TP63: variants seen among roughly 807,000 people sequenced by gnomAD.
TP63 encodes the protein tumor protein p63.
In TP63, 17 loss-of-function variants were observed where a neutral mutation model predicts 82.8. That is an observed-to-expected ratio of 0.21 (90% CI 0.14 to 0.31). The LOEUF (loss-of-function observed/expected upper bound fraction) is 0.31. Among genes scored for constraint, TP63 ranks in the 10% least tolerant of loss-of-function variants. The pLI is 1.00. For synonymous variants in TP63, 330 were observed against 321.7 expected (o/e 1.03, Z -0.28); for missense variants, 648 against 895.3 (o/e 0.72, Z 3.52).
intron 4 of TP63, among the ~76,000 whole-genome samples, chr3:189,816,621 A>G (rs1479304007): frequency 1.3e-5 from 2 of 152,202 alleles, no homozygotes; most frequent in Admixed American, 1.3e-4. Context: ...ACTTGAGATA[A>G]TGTAGCTTTC....
intron 3 of TP63, among the ~76,000 whole-genome samples, chr3:189,769,274 T>C (rs1723167149): frequency 1.3e-5 from 2 of 152,202 alleles, no homozygotes; most frequent in Non-Finnish European, 1.5e-5. Flanking sequence ...CTTGATTCCA[T>C]GTAAGGATCA....
rs1721405532 is a variant in TP63, at chr3:189,895,552, T to G, written c.*1050T>G. ...CATCTATCTAGTTCTAACAGTGAAG[T>G]TTTACTGTCTATTAATATTCAGGGT... On this transcript the variant is annotated 3_prime_UTR_variant, in exon 14 of 14. Transcript: ENST00000264731. 9.1e-6 allele frequency: 2 copies of G among 220,376 alleles called. No individual in the cohort carries two copies. Among genetic ancestry groups the G allele is most frequent in the Non-Finnish European group, 1.8e-5 (2 of 110,132 alleles). 13.7% of individuals were successfully genotyped at this position (220,376 alleles called of 1,614,324 possible).
chr3:189,619,161 A>T, the TP63 span, among the ~76,000 whole-genome samples: 1 of 152,166 alleles, frequency 6.6e-6, no homozygotes, highest in African/African-American at 2.4e-5. Context: ...CTTTATCATG[A>T]CCAGTACGTC....
chr3:189,791,726 A>T (rs983588708), intron 3 of TP63, among the ~76,000 whole-genome samples: 1 of 152,016 alleles, frequency 6.6e-6, no homozygotes, highest in Admixed American at 6.6e-5. Context: ...TCATGGCTTG[A>T]CTTCCATTCT....
chr3:189,760,142 C>G (rs1722463254), intron 3 of TP63, among the ~76,000 whole-genome samples: 1 of 152,142 alleles, frequency 6.6e-6, no homozygotes, highest in Non-Finnish European at 1.5e-5. Flanking sequence ...CAGAACCAAA[C>G]CATTTCATTC....
intron 12 of TP63, among the ~76,000 whole-genome samples, chr3:189,890,047 G>A (rs116193519): frequency 8.5e-5 from 13 of 152,338 alleles, no homozygotes; most frequent in African/African-American, 2.6e-4. Flanking sequence ...AATGCATGAA[G>A]CCTGAAAGAT....
chr3:189,743,086 A>G (rs145903587), intron 3 of TP63, among the ~76,000 whole-genome samples: 3 of 152,214 alleles, frequency 2.0e-5, no homozygotes, highest in South Asian at 4.1e-4. Flanking sequence ...ATTATAATTC[A>G]TAACAAAAGC....
chr3:189,733,810 A>C (rs1040870018), intron 1 of TP63, among the ~76,000 whole-genome samples: 11 of 152,188 alleles, frequency 7.2e-5, no homozygotes, highest in African/African-American at 2.7e-4. Flanking sequence ...ACTATTTGGC[A>C]GTAAATAAAC....
rs530734466 is a variant in TP63 at position 189,827,978 on chromosome 3, T to C, written c.579+19452T>C. 2.9e-3 allele frequency among the ~76,000 whole-genome samples: 446 copies of C among 152,262 alleles called. 2 individuals carry two copies. Among genetic ancestry groups the C allele is most frequent in the African/African-American group, 0.01 (422 of 41,558 alleles). On this transcript the variant is annotated intron_variant, in intron 4 of 13. Coordinates refer to ENST00000264731, the MANE Select transcript of TP63 (RefSeq NM_003722.5). The stretch of plus-strand genomic sequence containing the variant: ...TATGGGGGCCAGGTGCAATGGCTCA[T>C]GCCTGTAATCCCAGCACTTTGGGAG...
intron 3 of TP63, 121 bp from the exon 4 acceptor site, chr3:189,808,151 G>A: frequency 2.0e-6 from 3 of 1,533,180 alleles, no homozygotes; most frequent in Admixed American, 1.7e-5. Flanking sequence ...TACTTTGAAT[G>A]TGAAGTGCTT....
At chr3:189,893,534 A>C (rs183289773) in intron 13 of TP63, among the ~76,000 whole-genome samples, 1 of 152,330 alleles carries the variant, frequency 6.6e-6, no homozygotes, top group African/African-American at 2.4e-5. Flanking sequence ...CATTCACAGA[A>C]CATAGACACA....
upstream of TP63, chr3:189,631,234 TGA>T: frequency 7.1e-6 from 7 of 985,202 alleles, no homozygotes; most frequent in Non-Finnish European, 7.2e-6. Context: ...TCTGAAGCCG[TGA>T]GAGAGGGGGA....
chr3:189,702,244 A>C (rs1054082504), intron 1 of TP63, among the ~76,000 whole-genome samples: 1 of 152,244 alleles, frequency 6.6e-6, no homozygotes, highest in African/African-American at 2.4e-5. Context: ...AATGTGAAAC[A>C]TCAGACAGAA....
chr3:189,650,266 C>A (rs530436682), intron 1 of TP63, among the ~76,000 whole-genome samples: 1 of 146,948 alleles, frequency 6.8e-6, no homozygotes, highest in Non-Finnish European at 1.5e-5. Flanking sequence ...TCTTGTTTAA[C>A]AAAACACTCA....
chr3:189,845,708 T>C (rs1407126530), intron 4 of TP63, among the ~76,000 whole-genome samples: 1 of 148,650 alleles, frequency 6.7e-6, no homozygotes, highest in Non-Finnish European at 1.5e-5. Flanking sequence ...TCGGGAGGGC[T>C]TTGATGCTAC....
intron 1 of TP63, among the ~76,000 whole-genome samples, chr3:189,704,213 G>A (rs1422882152): frequency 6.6e-6 from 1 of 152,240 alleles, no homozygotes; most frequent in Non-Finnish European, 1.5e-5. Flanking sequence ...ATATGTGTGT[G>A]GCTGTCCTGC....
At chr3:189,826,048 G>A (rs1416131089) in intron 4 of TP63, among the ~76,000 whole-genome samples, 1 of 152,170 alleles carries the variant, frequency 6.6e-6, no homozygotes, top group Non-Finnish European at 1.5e-5. Flanking sequence ...ATAGGAAATG[G>A]TGAGAAAAAT....
chr3:189,844,567 C>G (rs1332500654), intron 4 of TP63, among the ~76,000 whole-genome samples: 1 of 152,142 alleles, frequency 6.6e-6, no homozygotes, highest in African/African-American at 2.4e-5. Flanking sequence ...CGGGGGTGAA[C>G]CACTGCACCC....
intron 2 of TP63, 122 bp downstream of exon 2, chr3:189,737,990 A>G (rs1720718737): frequency 8.8e-7 from 1 of 1,136,350 alleles, no homozygotes; most frequent in African/African-American, 1.5e-5. Flanking sequence ...AGGAAAAGTT[A>G]ATGACTCCAA....
Sources: gnomAD v4.1 joint callset for allele counts (sites outside exome capture counted in the v4.1 genomes callset) on GRCh38, gnomAD v4.1.1 for gene constraint, MANE v1.5 for transcripts, NCBI Gene and HGNC (gene_info 2026-07-23, HGNC 2026-07-21) for gene names.